Variants in C3 observed in about 807,000 individuals in gnomAD.
The protein encoded by C3 is C3 and PZP-like alpha-2-macroglobulin domain-containing protein 1.
C3 carries 97 observed loss-of-function variants against 207.9 expected under a neutral mutation model. The ratio of observed to expected loss-of-function variants is 0.47; its 90% CI spans 0.40 to 0.55. The LOEUF (loss-of-function observed/expected upper bound fraction) is 0.55. Among genes scored for constraint, C3 ranks in the 20% least tolerant of loss-of-function variants. C3 has a pLI of 0.00. For synonymous variants in C3, 848 were observed against 857.6 expected (o/e 0.99, Z 0.20); for missense variants, 1,684 against 2,171.7 (o/e 0.78, Z 4.46).
At position 6,714,150 on chromosome 19, in the gene C3, C is replaced by A. The variant is rs1203735058; in HGVS notation, c.682+16G>T. The A allele has an allele frequency of 6.2e-7, 1 of 1,612,940 alleles. No homozygotes were observed. Among genetic ancestry groups the A allele is most frequent in the African/African-American group, 1.3e-5 (1 of 74,828 alleles). On this transcript the variant is annotated intron_variant, in intron 6 of 40. Transcript: ENST00000245907. ...CGTTCTGGGCACTGACTCCCCCCAGCCCCTCCTCCTCTTACCGTACTCCTT... is the reference window on the plus strand; with the variant it reads ...CGTTCTGGGCACTGACTCCCCCCAGACCCTCCTCCTCTTACCGTACTCCTT...
rs1478655778 is a variant in C3, at chr19:6,680,190, C to G, written c.4424G>C (p.Gly1475Ala). ...QYFNVELIQPGAVKVYAYYNL... is the reference protein window; with the variant it reads ...QYFNVELIQPAAVKVYAYYNL... ...GTAATAGGCGTAGACCTTGACTGCT[C>G]CAGGCTGGATAAGCTCTACATTAAA... is the stretch of plus-strand genomic sequence containing the variant. Residue 1475 changes from glycine (G) to alanine (A), a missense_variant, in exon 36 of 41, where the codon GGA (glycine) becomes GCA (alanine). Around this residue, in one of 3 missense-constraint regions of C3, gnomAD observed 346 missense variants for 380.1 expected, o/e 0.91. Transcript: ENST00000245907. 6.2e-7 allele frequency: 1 copy of G among 1,613,340 alleles called. No homozygotes were observed. Among genetic ancestry groups the G allele is most frequent in the Non-Finnish European group, 8.5e-7 (1 of 1,179,340 alleles).
At chr19:6,704,576 C>T (rs925862168) in intron 17 of C3, among the ~76,000 whole-genome samples, 6 of 151,966 alleles carry the variant, frequency 3.9e-5, no homozygotes, top group Admixed American at 1.3e-4. Flanking sequence ...CTGGCCAACA[C>T]GGTGAAACCT....
chr19:6,682,066 G>A (rs1337836869), intron 34 of C3, 36 bp from the exon 35 acceptor site: 1 of 1,603,708 alleles, frequency 6.2e-7, no homozygotes, highest in Non-Finnish European at 8.5e-7. Flanking sequence ...AATCCCTCCT[G>A]GACCCCTCTC....
chr19:6,680,332 G>A, intron 35 of C3, 69 bp from the exon 36 acceptor site: 2 of 841,846 alleles, frequency 2.4e-6, no homozygotes, highest in South Asian at 1.3e-5. Context: ...CTTGGGAGCT[G>A]AGGCAGTGGT....
At chr19:6,692,778 T>C (rs930793855) in intron 26 of C3, 146 bp downstream of exon 26, 22 of 985,194 alleles carry the variant, frequency 2.2e-5, no homozygotes, top group South Asian at 8.3e-5. Flanking sequence ...CTCTGGCTCA[T>C]ATATCTGCCT....
At chr19:6,704,443 TCC>T (rs1967731962) in intron 17 of C3, among the ~76,000 whole-genome samples, 1 of 152,120 alleles carries the variant, frequency 6.6e-6, no homozygotes, top group South Asian at 2.1e-4. Flanking sequence ...GTAGCTGGAA[TCC>T]CTTAAAAAAT....
chr19:6,688,402 G>A (rs1039124669), intron 27 of C3, among the ~76,000 whole-genome samples: 1 of 152,192 alleles, frequency 6.6e-6, no homozygotes, highest in Non-Finnish European at 1.5e-5. Flanking sequence ...CCAAAGTGCC[G>A]GGATTACAGG....
At chr19:6,680,092 CAT>C (rs1917822147) in intron 36 of C3, 64 bp downstream of exon 36, 1 of 877,530 alleles carries the variant, frequency 1.1e-6, no homozygotes, top group Non-Finnish European at 2.0e-6. Flanking sequence ...CCCCACAATT[CAT>C]ATATACCTGG....
intron 4 of C3, chr19:6,717,667 G>A (rs1054316621): frequency 3.0e-6 from 1 of 330,326 alleles, no homozygotes; most frequent in African/African-American, 2.2e-5. Context: ...GGTTATGTAT[G>A]TTGTGTTGTG....
intron 24 of C3, 101 bp from the exon 25 acceptor site, chr19:6,693,588 G>T: frequency 2.0e-6 from 2 of 990,908 alleles, no homozygotes; most frequent in African/African-American, 3.2e-5. Flanking sequence ...CAGGGGCTCA[G>T]GGTGGCGGAG....
At chr19:6,698,741 C>T (rs969648536) in intron 19 of C3, among the ~76,000 whole-genome samples, 4 of 152,122 alleles carry the variant, frequency 2.6e-5, no homozygotes, top group African/African-American at 9.7e-5. Context: ...AAACAAACAA[C>T]TGATGCTCAT....
intron 29 of C3, among the ~76,000 whole-genome samples, chr19:6,685,494 T>G (rs369749201): frequency 7.9e-5 from 12 of 152,118 alleles, no homozygotes; most frequent in African/African-American, 2.9e-4. Context: ...AGAATATGTC[T>G]AGAACCCACT....
intron 17 of C3, among the ~76,000 whole-genome samples, chr19:6,703,497 C>T (rs539920636): frequency 1.3e-5 from 2 of 152,244 alleles, no homozygotes; most frequent in South Asian, 4.1e-4. Context: ...GTCCCAGATA[C>T]TCGGGAGGCT....
chr19:6,717,719 G>T (rs1968067159), intron 4 of C3: 5 of 395,808 alleles, frequency 1.3e-5, no homozygotes, highest in Admixed American at 7.8e-5. Flanking sequence ...TGTATGTTGT[G>T]TATTGTGTTG....
chr19:6,702,254 G>T, intron 18 of C3, 42 bp from the exon 19 acceptor site: 1 of 1,290,304 alleles, frequency 7.8e-7, no homozygotes, highest in Non-Finnish European at 1.1e-6. Context: ...ATGTCATCTA[G>T]CAGGGTGGTA....
chr19:6,680,128 C>T, intron 36 of C3, 30 bp downstream of exon 36: 1 of 1,241,998 alleles, frequency 8.1e-7, no homozygotes, highest in Non-Finnish European at 1.2e-6. Context: ...CTGGAACCAT[C>T]AGACCCCAGG....
Position 6,694,456 on chromosome 19 carries a change from C to T in C3, c.3129G>A (p.Gln1043=), listed in dbSNP as rs1918256030. 1.2e-6 allele frequency: 2 copies of T among 1,614,130 alleles called. No individual in the cohort carries two copies. Among genetic ancestry groups the T allele is most frequent in the African/African-American group, 2.7e-5 (2 of 75,030 alleles). Residue 1043 remains glutamine, a synonymous_variant, in exon 24 of 41, where the codon CAG becomes CAA. Transcript: ENST00000245907. Reference sequence around the variant, plus strand: ...CCTTCTTGATGAGCTCCAAGGCCCCCTGCCGCTTCTCTAGGCCGAACTTCT... The same window carrying T: ...CCTTCTTGATGAGCTCCAAGGCCCCTTGCCGCTTCTCTAGGCCGAACTTCT... The part of the protein sequence containing the change: ...QWEKFGLEKR[Q]GALELIKKGY...
chr19:6,686,042 G>A, intron 29 of C3, 82 bp downstream of exon 29: 1 of 1,388,682 alleles, frequency 7.2e-7, no homozygotes. Context: ...GCCTCGCTGG[G>A]CCTCAGTGTC....
At chr19:6,706,785 G>A (rs1967784408) in intron 17 of C3, among the ~76,000 whole-genome samples, 2 of 120,336 alleles carry the variant, frequency 1.7e-5, no homozygotes, top group South Asian at 5.9e-4. Flanking sequence ...TCCTCAGACA[G>A]AGGCCTCCTC....
Sources: allele counts gnomAD v4.1 joint callset (sites outside exome capture counted in the v4.1 genomes callset), GRCh38; gene constraint gnomAD v4.1.1; regional missense constraint gnomAD v4.1.1; transcripts MANE v1.5; gene names NCBI Gene and HGNC (gene_info 2026-07-23, HGNC 2026-07-21).